Variants in PPP4R3A observed in about 807,000 individuals in gnomAD.
PPP4R3A encodes the protein protein phosphatase 4 regulatory subunit 3A.
In PPP4R3A, 15 loss-of-function variants were observed where a neutral mutation model predicts 91.7. The ratio of observed to expected loss-of-function variants is 0.16; its 90% confidence interval spans 0.11 to 0.25. The LOEUF (loss-of-function observed/expected upper bound fraction) is 0.25, where lower values mean the gene tolerates loss of function less well. Ranked by LOEUF, PPP4R3A falls within the 10% of genes least tolerant of loss-of-function variation. PPP4R3A has a pLI of 1.00. For synonymous variants in PPP4R3A, 377 were observed against 348.7 expected (o/e 1.08, Z -0.91); for missense variants, 623 against 998.4 (o/e 0.62, Z 5.07).
At chr14:91,483,636 A>C (rs1889703348) in intron 3 of PPP4R3A, among the ~76,000 whole-genome samples, 1 of 152,244 alleles carries the variant, frequency 6.6e-6, no homozygotes, top group Non-Finnish European at 1.5e-5. Flanking sequence ...AACATGGTTC[A>C]AGAAATAGAA....
At chr14:91,462,265 T>C in intron 12 of PPP4R3A, 26 bp from the exon 13 acceptor site, 1 of 1,535,250 alleles carries the variant, frequency 6.5e-7, no homozygotes, top group South Asian at 1.3e-5. Flanking sequence ...AAAGAGTAAA[T>C]ACAATCATAT....
intron 8 of PPP4R3A, 50 bp from the exon 9 acceptor site, chr14:91,473,185 C>A (rs756912125): frequency 1.2e-6 from 2 of 1,612,688 alleles, no homozygotes; most frequent in African/African-American, 2.7e-5. Context: ...TGGTTCCTAC[C>A]AGCAATACAC....
At chr14:91,463,534 A>G (rs2070836973) in intron 11 of PPP4R3A, among the ~76,000 whole-genome samples, 1 of 152,046 alleles carries the variant, frequency 6.6e-6, no homozygotes, top group East Asian at 1.9e-4. Context: ...CCTGGGCTCA[A>G]GCAATCCTCC....
At chr14:91,492,914 GATAC>G (rs1890309801) in intron 1 of PPP4R3A, among the ~76,000 whole-genome samples, 1 of 152,124 alleles carries the variant, frequency 6.6e-6, no homozygotes, top group African/African-American at 2.4e-5. Context: ...CTGTGCTAGT[GATAC>G]ATTCATAACA....
At chr14:91,477,162 T>G (rs1030557520) in intron 4 of PPP4R3A, among the ~76,000 whole-genome samples, 176 bp from the exon 5 acceptor site, 2 of 151,960 alleles carry the variant, frequency 1.3e-5, no homozygotes, top group Admixed American at 6.6e-5. Flanking sequence ...AGTATAAAAT[T>G]TTGTCAAGGC....
intron 1 of PPP4R3A, among the ~76,000 whole-genome samples, chr14:91,507,447 T>TAATTATATATACTAC (rs1566660458): frequency 3.6e-5 from 4 of 111,136 alleles, no homozygotes; most frequent in Non-Finnish European, 1.9e-5. Flanking sequence ...ATATATACTA[T>TAATTATATATACTAC]ATAGTATATA....
chr14:91,473,015 C>T lies in PPP4R3A; in HGVS notation c.1501+18G>A. On this transcript the variant is annotated intron_variant, in intron 9 of 14. Coordinates refer to ENST00000554943, the MANE Select transcript of PPP4R3A (RefSeq NM_001366432.2). ...ATTCAAGAACAGAGAACTTAACTAC[C>T]AACCTGAATTATCTTACCTTTACTA... is the stretch of plus-strand genomic sequence containing the variant. The T allele has an allele frequency of 6.2e-7, 1 of 1,605,692 alleles. No individual in the cohort carries two copies. Among genetic ancestry groups the T allele is most frequent in the Non-Finnish European group, 8.5e-7 (1 of 1,175,944 alleles).
At chr14:91,490,606 T>C (rs941878017) in intron 2 of PPP4R3A, 141 bp downstream of exon 2, 10 of 637,118 alleles carry the variant, frequency 1.6e-5, no homozygotes, top group Non-Finnish European at 2.7e-5. Context: ...ACTATAGGAA[T>C]TGGCAGAAAT....
At position 91,458,099 on chromosome 14, in the gene PPP4R3A, C is replaced by T. The variant is rs975233288; in HGVS notation, c.*660G>A. The T allele has an allele frequency of 1.3e-5, 2 of 151,446 alleles. No individual in the cohort carries two copies. Among genetic ancestry groups the T allele is most frequent in the Non-Finnish European group, 2.9e-5 (2 of 68,020 alleles). The allele number at this position is 151,446 out of a possible 1,614,324, so 9.4% of individuals were successfully genotyped here. A position where few individuals can be genotyped will look rare whatever the true frequency, so the allele number is the denominator to read the frequency against. On this transcript the variant is annotated 3_prime_UTR_variant, in exon 15 of 15. Transcript: ENST00000554943. Reference sequence around the variant, plus strand: ...AGGGGAGGAAAAAAAAAATCAAAAACAAAATAAAACAAAAAAATTATGACA... The same window carrying T: ...AGGGGAGGAAAAAAAAAATCAAAAATAAAATAAAACAAAAAAATTATGACA...
chr14:91,489,932 C>A (rs950456767), intron 2 of PPP4R3A, among the ~76,000 whole-genome samples: 2 of 152,298 alleles, frequency 1.3e-5, no homozygotes, highest in East Asian at 3.9e-4. Context: ...ACGCATCACC[C>A]AATGGGAAAA....
intron 2 of PPP4R3A, among the ~76,000 whole-genome samples, chr14:91,486,755 T>C (rs1356977446): frequency 6.6e-6 from 1 of 151,124 alleles, no homozygotes; most frequent in African/African-American, 2.4e-5. Flanking sequence ...CTACTAAAAA[T>C]ACAAAAATTA....
At chr14:91,483,829 AGAT>A (rs1394385013) in intron 3 of PPP4R3A, among the ~76,000 whole-genome samples, 19 of 152,324 alleles carry the variant, frequency 1.2e-4, no homozygotes, top group Non-Finnish European at 2.4e-4. Flanking sequence ...AAAATTATTA[AGAT>A]GATGAAAAAC....
Position 91,476,423 on chromosome 14 carries a change from A to G in PPP4R3A, c.1095T>C (p.Ala365=). 6.2e-7 allele frequency: 1 copy of G among 1,609,534 alleles called. No individual in the cohort carries two copies. Among genetic ancestry groups the G allele is most frequent in the Non-Finnish European group, 8.5e-7 (1 of 1,178,252 alleles). Residue 365 remains alanine (A), a synonymous_variant, in exon 6 of 15, where the codon GCT becomes GCC. Transcript: ENST00000554943. ...CAAAACTTACAAGGATGACTTCTAA[A>G]GCTGGTAATATGCCCATGTTTGACA... ...KTLSNMGILP[A]LEVILGMDDT...
chr14:91,476,073 AG>A, intron 6 of PPP4R3A, 107 bp from the exon 7 acceptor site: 1 of 1,080,072 alleles, frequency 9.3e-7, no homozygotes, highest in South Asian at 2.0e-5. Flanking sequence ...TCAATGTAAA[AG>A]AAAGGTCAAA....
chr14:91,507,373 T>TATATACTATATAGTATATATACTATATAG lies in PPP4R3A; in HGVS notation c.142+2132_142+2133insCTATATAGTATATATACTATATAGTATAT, dbSNP rs1566660160. The stretch of plus-strand genomic sequence containing the variant: ...ATACTATATAGTATATATACTATAA[T>TATATACTATATAGTATATATACTATATAG]TATATATACTATATAGTATATGTAC... On this transcript the variant is annotated intron_variant, in intron 1 of 14. Coordinates refer to ENST00000554943, the MANE Select transcript of PPP4R3A (RefSeq NM_001366432.2). Among the ~76,000 whole-genome samples the TATATACTATATAGTATATATACTATATAG allele has an allele frequency of 3.7e-4, 27 of 73,646 alleles. 1 individual carries two copies. Among genetic ancestry groups the TATATACTATATAGTATATATACTATATAG allele is most frequent in the African/African-American group, 1.4e-3 (20 of 14,710 alleles). The allele number at this position is 73,646 out of a possible 152,430, so 48.3% of individuals were successfully genotyped here.
intron 1 of PPP4R3A, among the ~76,000 whole-genome samples, chr14:91,505,444 TAA>T (rs1555353059): frequency 7.6e-5 from 3 of 39,724 alleles, no homozygotes; most frequent in African/African-American, 1.0e-4. Flanking sequence ...AGATTCTGCC[TAA>T]AAAAAAAAAA....
At chr14:91,494,314 T>A (rs1467599933) in intron 1 of PPP4R3A, among the ~76,000 whole-genome samples, 8 of 152,018 alleles carry the variant, frequency 5.3e-5, no homozygotes, top group African/African-American at 1.7e-4. Context: ...AAATTGGGCA[T>A]CACAATTAAA....
intron 9 of PPP4R3A, 81 bp downstream of exon 9, chr14:91,472,952 C>T: frequency 7.7e-7 from 1 of 1,304,918 alleles, no homozygotes; most frequent in South Asian, 1.3e-5. Context: ...CTAACTGCCT[C>T]CTAAAAAGAC....
At chr14:91,489,323 T>A (rs1164204630) in intron 2 of PPP4R3A, among the ~76,000 whole-genome samples, 1 of 152,154 alleles carries the variant, frequency 6.6e-6, no homozygotes, top group Non-Finnish European at 1.5e-5. Flanking sequence ...ATACTTACAA[T>A]TATCAGCCTT....
Sources: allele counts gnomAD v4.1 joint callset (sites outside exome capture counted in the v4.1 genomes callset), GRCh38; gene constraint gnomAD v4.1.1; transcripts MANE v1.5; gene names NCBI Gene and HGNC (gene_info 2026-07-23, HGNC 2026-07-21).